CAST: variants seen among roughly 807,000 people sequenced by gnomAD.
CAST encodes MIR583 host.
A neutral mutation model predicts 119.6 loss-of-function variants in CAST; 76 were observed. That is an observed-to-expected ratio of 0.64 (90% CI 0.53 to 0.77). The LOEUF (loss-of-function observed/expected upper bound fraction) is 0.77. Ranked by LOEUF, CAST falls within the 30% of genes least tolerant of loss-of-function variation. The probability of loss-of-function intolerance (pLI) is 0.00; values close to 1 mark genes in which losing one functional copy is unlikely to be tolerated. For missense variants in CAST, 953 were observed against 946.5 expected (o/e 1.01, Z -0.09); for synonymous variants, 319 against 331.6 (o/e 0.96, Z 0.41).
chr5:96,153,350 C>T, the CAST span, among the ~76,000 whole-genome samples: 8 of 152,154 alleles, frequency 5.3e-5, no homozygotes, highest in African/African-American at 1.4e-4. Flanking sequence ...GCCATGAACA[C>T]GTGCTGACTT....
the CAST span, among the ~76,000 whole-genome samples, chr5:96,359,112 C>G: frequency 6.6e-6 from 1 of 152,030 alleles, no homozygotes; most frequent in Non-Finnish European, 1.5e-5. Flanking sequence ...TCTTTTTTAT[C>G]TTTGTTGGTT....
At chr5:96,091,064 T>C in the CAST span, among the ~76,000 whole-genome samples, 1 of 152,128 alleles carries the variant, frequency 6.6e-6, no homozygotes. Flanking sequence ...TGCACCTGTC[T>C]CCATTACTAC....
intron 10 of CAST, among the ~76,000 whole-genome samples, chr5:96,737,123 C>T (rs1457581027): frequency 6.6e-6 from 1 of 152,180 alleles, no homozygotes; most frequent in Non-Finnish European, 1.5e-5. Context: ...TTCCTCGACA[C>T]GTGGGGATTA....
chr5:96,543,812 G>A (rs930990553), intron 1 of CAST, among the ~76,000 whole-genome samples: 3 of 152,170 alleles, frequency 2.0e-5, no homozygotes, highest in African/African-American at 7.2e-5. Flanking sequence ...TTGTTGAAAA[G>A]ATTATTCTTT....
At chr5:96,394,903 A>G in the CAST span, 2 of 1,614,118 alleles carry the variant, frequency 1.2e-6, no homozygotes. Context: ...CTCTTCTGTC[A>G]TTCTGAACAG....
the CAST span, among the ~76,000 whole-genome samples, chr5:96,039,177 G>A: frequency 6.6e-6 from 1 of 152,062 alleles, no homozygotes; most frequent in African/African-American, 2.4e-5. Context: ...CTTCTTTTGC[G>A]AAGTGTCTTT....
the CAST span, among the ~76,000 whole-genome samples, chr5:96,094,238 G>A: frequency 6.6e-6 from 1 of 152,188 alleles, no homozygotes; most frequent in African/African-American, 2.4e-5. Context: ...GACTAATAAT[G>A]TAGTCATGTT....
At chr5:96,557,273 T>C (rs1417451548) in intron 1 of CAST, among the ~76,000 whole-genome samples, 1 of 151,898 alleles carries the variant, frequency 6.6e-6, no homozygotes, top group Non-Finnish European at 1.5e-5. Flanking sequence ...TTGTAAAGAC[T>C]ATCGATGCTA....
the CAST span, among the ~76,000 whole-genome samples, chr5:96,252,132 A>G: frequency 6.6e-6 from 1 of 152,132 alleles, no homozygotes; most frequent in African/African-American, 2.4e-5. Flanking sequence ...ACTTCTATTC[A>G]GCAGTTTCTC....
chr5:96,441,316 G>A, the CAST span, among the ~76,000 whole-genome samples: 1 of 152,134 alleles, frequency 6.6e-6, no homozygotes, highest in East Asian at 1.9e-4. Context: ...CTAATTTTTA[G>A]TGTGTTCCCC....
At chr5:96,226,941 C>T in the CAST span, among the ~76,000 whole-genome samples, 1 of 152,206 alleles carries the variant, frequency 6.6e-6, no homozygotes, top group Admixed American at 6.5e-5. Context: ...ACACTATTGG[C>T]TATGTATTCA....
chr5:96,494,337 T>C, the CAST span, among the ~76,000 whole-genome samples: 36 of 152,304 alleles, frequency 2.4e-4, no homozygotes, highest in Non-Finnish European at 3.7e-4. Context: ...AGTTATCACT[T>C]AAGCTGAGGT....
the CAST span, among the ~76,000 whole-genome samples, chr5:96,345,158 C>T: frequency 6.6e-6 from 1 of 152,128 alleles, no homozygotes; most frequent in Non-Finnish European, 1.5e-5. Flanking sequence ...AACAAGGAGT[C>T]TTACCAGTCT....
At chr5:96,662,815 C>T (rs1022318890) in intron 1 of CAST, among the ~76,000 whole-genome samples, 3 of 152,182 alleles carry the variant, frequency 2.0e-5, no homozygotes, top group Non-Finnish European at 2.9e-5. Flanking sequence ...CACTCAGGAC[C>T]CCCGAGTGAG....
the CAST span, among the ~76,000 whole-genome samples, chr5:96,209,683 G>C: frequency 7.4e-6 from 1 of 134,946 alleles, no homozygotes; most frequent in Non-Finnish European, 1.6e-5. Context: ...TGGCATGTAG[G>C]ATTTCTGCTG....
the CAST span, among the ~76,000 whole-genome samples, chr5:96,313,850 TTAA>T: frequency 5.3e-5 from 8 of 152,318 alleles, no homozygotes; most frequent in East Asian, 1.5e-3. Context: ...CTTTCAAGTT[TTAA>T]TAATTAGGTT....
chr5:96,121,576 G>A, the CAST span, among the ~76,000 whole-genome samples: 1 of 152,116 alleles, frequency 6.6e-6, no homozygotes, highest in South Asian at 2.1e-4. Flanking sequence ...CGTTTTGGCG[G>A]TGAGGCTCTG....
At chr5:96,004,088 A>C in the CAST span, among the ~76,000 whole-genome samples, 5 of 152,278 alleles carry the variant, frequency 3.3e-5, no homozygotes, top group East Asian at 9.6e-4. Flanking sequence ...AATAAGATGT[A>C]AGTTGATTTG....
the CAST span, among the ~76,000 whole-genome samples, chr5:95,980,033 G>A: frequency 1.2e-4 from 19 of 152,154 alleles, no homozygotes; most frequent in Admixed American, 2.6e-4. Context: ...CAGGAGAATC[G>A]CTTGAACCTG....
Sources: gnomAD v4.1 joint callset for allele counts (sites outside exome capture counted in the v4.1 genomes callset) on GRCh38, gnomAD v4.1.1 for gene constraint, MANE v1.5 for transcripts, NCBI Gene and HGNC (gene_info 2026-07-23, HGNC 2026-07-21) for gene names.